The following ZFPM2 variants were observed in gnomAD, a reference collection of about 807,000 sequenced individuals.
ZFPM2 encodes zinc finger protein, FOG family member 2, also known as zinc finger protein ZFPM2.
ZFPM2 carries 20 observed loss-of-function variants against 98.6 expected under a neutral mutation model. The ratio of observed to expected loss-of-function variants is 0.20; its 90% CI spans 0.14 to 0.29. The LOEUF (loss-of-function observed/expected upper bound fraction) is 0.29, where lower values mean the gene tolerates loss of function less well. Among genes scored for constraint, ZFPM2 ranks in the 10% least tolerant of loss-of-function variants. ZFPM2 has a pLI of 1.00. For missense variants in ZFPM2, 1,310 were observed against 1,388.6 expected, an observed-to-expected ratio of 0.94 and a Z score of 0.90; for synonymous variants, 518 against 502.7, an observed-to-expected ratio of 1.03 and a Z score of -0.41.
chr8:105,710,290 A>G (rs1472362947), intron 5 of ZFPM2, among the ~76,000 whole-genome samples: 3 of 152,126 alleles, frequency 2.0e-5, no homozygotes, highest in Non-Finnish European at 4.4e-5. Context: ...TGTCGTTTGT[A>G]TTCACTCAGA....
chr8:105,413,277 G>A (rs1274591844), intron 1 of ZFPM2, among the ~76,000 whole-genome samples: 6 of 151,732 alleles, frequency 4.0e-5, no homozygotes, highest in Non-Finnish European at 7.4e-5. Flanking sequence ...CATAGAATAT[G>A]TAGCAAGTTT....
chr8:105,762,110 G>A (rs537041756), intron 5 of ZFPM2, among the ~76,000 whole-genome samples: 49 of 151,624 alleles, frequency 3.2e-4, no homozygotes, highest in Admixed American at 6.6e-4. Context: ...TTTAAGTTTC[G>A]GATTCTTTTT....
At chr8:105,502,369 G>T (rs971771467) in intron 3 of ZFPM2, among the ~76,000 whole-genome samples, 5 of 152,114 alleles carry the variant, frequency 3.3e-5, no homozygotes, top group Non-Finnish European at 7.4e-5. Context: ...AGATAAGCAT[G>T]CTACAGATAT....
intron 3 of ZFPM2, among the ~76,000 whole-genome samples, chr8:105,524,589 CTG>C (rs1289598257): frequency 2.0e-5 from 3 of 152,062 alleles, no homozygotes; most frequent in Non-Finnish European, 4.4e-5. Context: ...TTTCTTTACT[CTG>C]TGGGCAAAGT....
chr8:105,754,595 A>G (rs1422341018), intron 5 of ZFPM2, among the ~76,000 whole-genome samples: 1 of 152,108 alleles, frequency 6.6e-6, no homozygotes, highest in Non-Finnish European at 1.5e-5. Context: ...TCAATTTCTT[A>G]TTCAACGACC....
At chr8:105,789,676 G>A (rs1813538568) in intron 6 of ZFPM2, among the ~76,000 whole-genome samples, 1 of 152,080 alleles carries the variant, frequency 6.6e-6, no homozygotes, top group Non-Finnish European at 1.5e-5. Context: ...TTCCACAATG[G>A]TTGAACTAGT....
At chr8:105,608,291 G>A (rs1438371550) in intron 4 of ZFPM2, among the ~76,000 whole-genome samples, 3 of 152,010 alleles carry the variant, frequency 2.0e-5, no homozygotes, top group African/African-American at 7.2e-5. Flanking sequence ...TAACAAACCT[G>A]CACAACGTAC....
intron 5 of ZFPM2, among the ~76,000 whole-genome samples, chr8:105,766,042 G>A (rs1812846488): frequency 6.6e-6 from 1 of 151,810 alleles, no homozygotes; most frequent in Non-Finnish European, 1.5e-5. Flanking sequence ...TCTGTTATGT[G>A]GTTTGAGTGT....
At chr8:105,500,691 A>G (rs1220314418) in intron 3 of ZFPM2, among the ~76,000 whole-genome samples, 2 of 152,176 alleles carry the variant, frequency 1.3e-5, no homozygotes, top group Admixed American at 1.3e-4. Context: ...ATCAAAAAAC[A>G]TTCTGTCTAA....
At chr8:105,476,183 C>T (rs1251464070) in intron 3 of ZFPM2, among the ~76,000 whole-genome samples, 1 of 152,210 alleles carries the variant, frequency 6.6e-6, no homozygotes, top group Non-Finnish European at 1.5e-5. Flanking sequence ...CTCCCCATTA[C>T]TCTCCCGTAG....
At chr8:105,657,894 A>G (rs1817315837) in intron 5 of ZFPM2, among the ~76,000 whole-genome samples, 2 of 152,212 alleles carry the variant, frequency 1.3e-5, no homozygotes, top group Admixed American at 1.3e-4. Flanking sequence ...CCAAATTAAT[A>G]GAAACAATTC....
intron 3 of ZFPM2, among the ~76,000 whole-genome samples, chr8:105,547,798 A>G (rs1814746991): frequency 6.6e-6 from 1 of 152,138 alleles, no homozygotes. Flanking sequence ...AGATATACAT[A>G]ATTTCAAACA....
chr8:105,609,224 G>A (rs1816256872), intron 4 of ZFPM2, among the ~76,000 whole-genome samples: 1 of 152,062 alleles, frequency 6.6e-6, no homozygotes, highest in Non-Finnish European at 1.5e-5. Flanking sequence ...GAAGGGATGG[G>A]TTCAAACTGG....
At chr8:105,555,633 T>A (rs1586459953) in intron 3 of ZFPM2, among the ~76,000 whole-genome samples, 4 of 152,306 alleles carry the variant, frequency 2.6e-5, no homozygotes, top group South Asian at 4.1e-4. Flanking sequence ...AATGTTTATG[T>A]TTCTGTTGAG....
intron 3 of ZFPM2, among the ~76,000 whole-genome samples, chr8:105,537,528 A>G (rs1814479253): frequency 6.6e-6 from 1 of 152,000 alleles, no homozygotes; most frequent in African/African-American, 2.4e-5. Flanking sequence ...TAATAATCAT[A>G]ATAAATAACT....
intron 1 of ZFPM2, among the ~76,000 whole-genome samples, chr8:105,340,525 C>T (rs567996659): frequency 6.6e-6 from 1 of 151,656 alleles, no homozygotes. Flanking sequence ...TTTTAATGTC[C>T]CTGAAAATCA....
Position 105,512,882 on chromosome 8 carries a change from ATGTGTG to A in ZFPM2, c.302-48470_302-48465del, listed in dbSNP as rs141926738. ...ATGTGCCAGAAATACATGTATGTAT[ATGTGTG>A]TGTGTGTGTGCATGTTTCAAAATTT... is the stretch of plus-strand genomic sequence containing the variant. On this transcript the variant is annotated intron_variant, in intron 3 of 7. Transcript: ENST00000407775. 7.4e-4 allele frequency among the ~76,000 whole-genome samples: 112 copies of A among 151,464 alleles called. No homozygotes were observed. In the East Asian group the frequency reaches 0.017, roughly 23 times the overall value.
chr8:105,752,565 T>A (rs1704450152), intron 5 of ZFPM2, among the ~76,000 whole-genome samples: 1 of 152,174 alleles, frequency 6.6e-6, no homozygotes, highest in African/African-American at 2.4e-5. Context: ...TTTGTCAACG[T>A]AGAACACTTA....
intron 5 of ZFPM2, among the ~76,000 whole-genome samples, chr8:105,654,893 TTAAA>T (rs1386881720): frequency 6.6e-6 from 1 of 152,226 alleles, no homozygotes; most frequent in Non-Finnish European, 1.5e-5. Flanking sequence ...CTTCACCCCA[TTAAA>T]TAAAGTCCTC....
Sources: allele counts gnomAD v4.1 joint callset (sites outside exome capture counted in the v4.1 genomes callset), GRCh38; gene constraint gnomAD v4.1.1; transcripts MANE v1.5; gene names NCBI Gene and HGNC (gene_info 2026-07-23, HGNC 2026-07-21).